Variants in SRRM4 observed in about 807,000 individuals in gnomAD.
SRRM4 encodes the protein serine/arginine repetitive matrix protein 4.
In SRRM4, 33 loss-of-function variants were observed where a neutral mutation model predicts 68.9. The ratio of observed to expected loss-of-function variants is 0.48; its 90% CI spans 0.36 to 0.64. The LOEUF (loss-of-function observed/expected upper bound fraction) is 0.64, where lower values mean the gene tolerates loss of function less well. Among genes scored for constraint, SRRM4 ranks in the 30% least tolerant of loss-of-function variants. The pLI is 0.00. For synonymous variants in SRRM4, 318 were observed against 318.8 expected, an observed-to-expected ratio of 1.00 and a Z score of 0.03; for missense variants, 817 against 827.1, an observed-to-expected ratio of 0.99 and a Z score of 0.15.
chr12:119,094,587 T>C (rs1954031801), intron 1 of SRRM4, among the ~76,000 whole-genome samples: 1 of 152,248 alleles, frequency 6.6e-6, no homozygotes, highest in East Asian at 1.9e-4. Context: ...TGCTTTGTCT[T>C]GGTGCTGGAC....
chr12:119,054,160 A>G (rs1953762785), intron 1 of SRRM4, among the ~76,000 whole-genome samples: 1 of 152,186 alleles, frequency 6.6e-6, no homozygotes, highest in Non-Finnish European at 1.5e-5. Context: ...TGCCTGGCTT[A>G]TTTCACTTAA....
At chr12:119,072,550 G>A (rs1324729399) in intron 1 of SRRM4, among the ~76,000 whole-genome samples, 1 of 152,124 alleles carries the variant, frequency 6.6e-6, no homozygotes, top group Admixed American at 6.5e-5. Context: ...TAAATTCTCT[G>A]ATGTAATTAC....
At chr12:119,090,720 T>C (rs1463513565) in intron 1 of SRRM4, among the ~76,000 whole-genome samples, 1 of 152,200 alleles carries the variant, frequency 6.6e-6, no homozygotes, top group Non-Finnish European at 1.5e-5. Flanking sequence ...CAAGTGTCCC[T>C]GAGTGTAGCA....
chr12:119,009,313 C>T (rs979424167), intron 1 of SRRM4, among the ~76,000 whole-genome samples: 2 of 151,962 alleles, frequency 1.3e-5, no homozygotes, highest in African/African-American at 4.8e-5. Flanking sequence ...GTAGAGAATC[C>T]GGGCCAAGAA....
intron 1 of SRRM4, among the ~76,000 whole-genome samples, chr12:119,049,014 G>A (rs1319791289): frequency 5.9e-5 from 9 of 152,212 alleles, no homozygotes; most frequent in Admixed American, 5.9e-4. Context: ...CTGTGTGCCA[G>A]ACACTGTTCT....
chr12:119,050,369 T>C (rs11837774), intron 1 of SRRM4, among the ~76,000 whole-genome samples: 2 of 152,236 alleles, frequency 1.3e-5, no homozygotes, highest in African/African-American at 4.8e-5. Context: ...GTGATGATAA[T>C]GATGAACAAG....
At chr12:119,116,745 A>C in intron 3 of SRRM4, 192 bp from the exon 4 acceptor site, 1 of 537,184 alleles carries the variant, frequency 1.9e-6, no homozygotes, top group Admixed American at 3.1e-5. Context: ...AAATCAAATG[A>C]AAAGTAAAAT....
intron 1 of SRRM4, among the ~76,000 whole-genome samples, chr12:119,063,693 A>G (rs533449369): frequency 8.5e-5 from 13 of 152,346 alleles, no homozygotes; most frequent in African/African-American, 3.1e-4. Flanking sequence ...ACAATTTTAC[A>G]AATGCTAGAC....
At chr12:119,089,609 T>C (rs1243286487) in intron 1 of SRRM4, among the ~76,000 whole-genome samples, 1 of 152,148 alleles carries the variant, frequency 6.6e-6, no homozygotes, top group Non-Finnish European at 1.5e-5. Flanking sequence ...TAAAGGAGGT[T>C]GAATGGAAAG....
At chr12:119,132,416 GT>G (rs1192910591) in intron 8 of SRRM4, 3 of 152,200 alleles carry the variant, frequency 2.0e-5, no homozygotes, top group Non-Finnish European at 4.4e-5. Flanking sequence ...TTTTAAGTTA[GT>G]AAAGGATGCC....
chr12:119,024,339 G>A (rs537851785), intron 1 of SRRM4, among the ~76,000 whole-genome samples: 8 of 152,294 alleles, frequency 5.3e-5, no homozygotes, highest in African/African-American at 7.2e-5. Context: ...ACCTTGCAGC[G>A]TATCTCTGTG....
rs567457519 is a variant in SRRM4, at chr12:119,115,912, G to A, written c.366-1025G>A. Among the ~76,000 whole-genome samples, 7 of 152,006 alleles carry A rather than the reference G, an allele frequency of 4.6e-5. No individual in the cohort carries two copies. In the South Asian group the frequency reaches 1.5e-3, roughly 32 times the overall value. On this transcript the variant is annotated intron_variant, in intron 3 of 12. Coordinates refer to ENST00000267260, the MANE Select transcript of SRRM4 (RefSeq NM_194286.4). Reference sequence around the variant, plus strand: ...AATTGGTGGTCAACATTTCCAAATCGGGAGATTTCATATGAAAATGTGGAG... The same window carrying A: ...AATTGGTGGTCAACATTTCCAAATCAGGAGATTTCATATGAAAATGTGGAG...
At chr12:119,032,223 G>T (rs1369954847) in intron 1 of SRRM4, among the ~76,000 whole-genome samples, 1 of 152,230 alleles carries the variant, frequency 6.6e-6, no homozygotes, top group African/African-American at 2.4e-5. Flanking sequence ...TCTCTTGTTG[G>T]TATGGAAGGG....
chr12:119,129,872 A>AATGGATGGATGGATGGATGG (rs112594447), intron 7 of SRRM4, among the ~76,000 whole-genome samples: 5 of 136,884 alleles, frequency 3.7e-5, no homozygotes, highest in African/African-American at 1.4e-4. Context: ...TAGTTGGACA[A>AATGGATGGATGGATGGATGG]ATGGATGGAT....
intron 1 of SRRM4, among the ~76,000 whole-genome samples, chr12:119,065,591 C>T (rs1953840744): frequency 6.6e-6 from 1 of 151,988 alleles, no homozygotes; most frequent in Admixed American, 6.6e-5. Flanking sequence ...AAAAATTAGC[C>T]CGGCGTGGTG....
chr12:119,078,271 A>G (rs1475202565), intron 1 of SRRM4, among the ~76,000 whole-genome samples: 1 of 152,312 alleles, frequency 6.6e-6, no homozygotes, highest in African/African-American at 2.4e-5. Flanking sequence ...TTTGCCCACT[A>G]GTTGTGTACT....
chr12:119,082,481 C>G (rs373838442), intron 1 of SRRM4, among the ~76,000 whole-genome samples: 26 of 152,334 alleles, frequency 1.7e-4, no homozygotes, highest in African/African-American at 6.0e-4. Context: ...GATTTCCCCC[C>G]CTTCTTTTAA....
intron 1 of SRRM4, among the ~76,000 whole-genome samples, chr12:118,984,654 T>C (rs940665429): frequency 2.0e-5 from 3 of 152,224 alleles, no homozygotes; most frequent in African/African-American, 7.2e-5. Flanking sequence ...TTCATAGCAA[T>C]ATGCATACAT....
intron 8 of SRRM4, 123 bp downstream of exon 8, chr12:119,130,957 C>CCCCCAAAA: frequency 9.7e-7 from 1 of 1,030,674 alleles, no homozygotes; most frequent in Non-Finnish European, 1.3e-6. Flanking sequence ...ATCCCACTGG[C>CCCCCAAAA]TCCAGACCTC....
Sources: gnomAD v4.1 joint callset for allele counts (sites outside exome capture counted in the v4.1 genomes callset) on GRCh38, gnomAD v4.1.1 for gene constraint, MANE v1.5 for transcripts, NCBI Gene and HGNC (gene_info 2026-07-23, HGNC 2026-07-21) for gene names.